Variants in FOXP1 observed in about 807,000 individuals in gnomAD.
FOXP1 encodes the protein forkhead box protein P1.
FOXP1 carries 15 observed loss-of-function variants against 98.2 expected under a neutral mutation model. The ratio of observed to expected loss-of-function variants is 0.15; its 90% CI spans 0.10 to 0.24. The LOEUF is 0.24. FOXP1 is among the 10% of genes least tolerant of loss of function. The pLI, the probability that FOXP1 is intolerant of heterozygous loss-of-function variation, is 1.00. For synonymous variants in FOXP1, 371 were observed against 314.5 expected, an observed-to-expected ratio of 1.18 and a Z score of -1.90; for missense variants, 633 against 848.5, an observed-to-expected ratio of 0.75 and a Z score of 3.15.
chr3:71,202,629 T>C (rs2063747515), intron 5 of FOXP1, among the ~76,000 whole-genome samples: 1 of 152,324 alleles, frequency 6.6e-6, no homozygotes, highest in South Asian at 2.1e-4. Flanking sequence ...GATGTAGCCA[T>C]AACTATTCTG....
At chr3:71,074,409 T>C (rs2053589601) in intron 7 of FOXP1, among the ~76,000 whole-genome samples, 1 of 152,146 alleles carries the variant, frequency 6.6e-6, no homozygotes, top group Non-Finnish European at 1.5e-5. Flanking sequence ...GTATTTTTAG[T>C]AGAGACAGGG....
At chr3:71,324,485 A>G (rs2075569277) in intron 4 of FOXP1, among the ~76,000 whole-genome samples, 2 of 152,190 alleles carry the variant, frequency 1.3e-5, no homozygotes, top group African/African-American at 4.8e-5. Flanking sequence ...ATGAAGGTGG[A>G]AATCATCATT....
At chr3:71,038,638 C>T (rs988952005) in intron 11 of FOXP1, among the ~76,000 whole-genome samples, 3 of 150,716 alleles carry the variant, frequency 2.0e-5, no homozygotes, top group Admixed American at 6.6e-5. Context: ...TATATGTATA[C>T]GAAGCTGGCT....
intron 5 of FOXP1, among the ~76,000 whole-genome samples, chr3:71,250,259 C>T (rs935221843): frequency 6.6e-6 from 1 of 152,196 alleles, no homozygotes; most frequent in South Asian, 2.1e-4. Flanking sequence ...TGGGGAAAGT[C>T]ATTCCTGGTT....
intron 2 of FOXP1, among the ~76,000 whole-genome samples, chr3:71,566,213 G>A (rs762395548): frequency 2.6e-5 from 4 of 152,236 alleles, no homozygotes; most frequent in Non-Finnish European, 5.9e-5. Flanking sequence ...GTTGGCAAAT[G>A]TGAGGTCCCT....
At chr3:71,153,547 A>G (rs1252185101) in intron 6 of FOXP1, among the ~76,000 whole-genome samples, 2 of 64,246 alleles carry the variant, frequency 3.1e-5, no homozygotes, top group Non-Finnish European at 8.0e-5. Flanking sequence ...ATGCTTGAGA[A>G]AAAAAAAAAA....
chr3:71,233,225 G>A (rs998053883), intron 5 of FOXP1, among the ~76,000 whole-genome samples: 1 of 143,910 alleles, frequency 6.9e-6, no homozygotes, highest in Non-Finnish European at 1.5e-5. Context: ...GGGAGGGAAG[G>A]CATGGGAGGG....
At chr3:71,217,067 T>C (rs949810998) in intron 5 of FOXP1, among the ~76,000 whole-genome samples, 6 of 152,226 alleles carry the variant, frequency 3.9e-5, no homozygotes, top group Non-Finnish European at 7.3e-5. Context: ...TTTTATTTTA[T>C]GCTTTAATGT....
intron 3 of FOXP1, among the ~76,000 whole-genome samples, chr3:71,429,132 C>A (rs1374044244): frequency 6.6e-6 from 1 of 152,150 alleles, no homozygotes; most frequent in Non-Finnish European, 1.5e-5. Context: ...CGGCTTCATG[C>A]AGGCTGCCCT....
chr3:70,955,657 C>T lies in FOXP1; in HGVS notation c.*3590G>A, dbSNP rs959387624. 1.3e-5 allele frequency: 3 copies of T among 232,866 alleles called. No homozygotes were observed. Among genetic ancestry groups the T allele is most frequent in the African/African-American group, 6.7e-5 (3 of 45,076 alleles). The allele number at this position is 232,866 out of a possible 1,614,324, so 14.4% of individuals were successfully genotyped here. On this transcript the variant is annotated 3_prime_UTR_variant, in exon 21 of 21. Transcript: ENST00000649528. ...CACTGATAAACTTGGAAAAGTGTGA[C>T]CCTGGAATTTCATCATGCAAAATAT... is the stretch of plus-strand genomic sequence containing the variant.
chr3:70,954,833 T>C lies in FOXP1; in HGVS notation c.*4414A>G, dbSNP rs2031387081. The C allele has an allele frequency of 4.3e-6, 1 of 232,482 alleles. No individual in the cohort carries two copies. Among genetic ancestry groups the C allele is most frequent in the African/African-American group, 2.2e-5 (1 of 45,420 alleles). The allele number at this position is 232,482 out of a possible 1,614,324, so 14.4% of individuals were successfully genotyped here. ...TATCCGCAGACATGGAATGATGGAA[T>C]TACAGTTGATGTCAAGGAATGAGTT... On this transcript the variant is annotated 3_prime_UTR_variant, in exon 21 of 21. Coordinates refer to ENST00000649528, the MANE Select transcript of FOXP1 (RefSeq NM_001349338.3).
At chr3:71,132,421 C>T (rs2059617780) in intron 6 of FOXP1, among the ~76,000 whole-genome samples, 1 of 152,098 alleles carries the variant, frequency 6.6e-6, no homozygotes, top group Non-Finnish European at 1.5e-5. Flanking sequence ...ACAACTTTCT[C>T]AGAGACATGC....
At chr3:71,356,725 A>C (rs1691463867) in intron 4 of FOXP1, among the ~76,000 whole-genome samples, 1 of 152,192 alleles carries the variant, frequency 6.6e-6, no homozygotes, top group Non-Finnish European at 1.5e-5. Flanking sequence ...TCTGAGTCTA[A>C]GCCAATCTAA....
chr3:71,134,725 A>G (rs1347810509), intron 6 of FOXP1, among the ~76,000 whole-genome samples: 2 of 152,208 alleles, frequency 1.3e-5, no homozygotes, highest in Non-Finnish European at 2.9e-5. Context: ...GTTATGCTGT[A>G]TATTAACTTC....
At chr3:71,301,911 T>C (rs1487400699) in intron 4 of FOXP1, among the ~76,000 whole-genome samples, 2 of 152,212 alleles carry the variant, frequency 1.3e-5, no homozygotes, top group African/African-American at 4.8e-5. Flanking sequence ...ATCATTTTTT[T>C]CCCCTAGGGA....
At chr3:71,415,820 A>C (rs1400767403) in intron 3 of FOXP1, among the ~76,000 whole-genome samples, 1 of 152,186 alleles carries the variant, frequency 6.6e-6, no homozygotes, top group East Asian at 1.9e-4. Context: ...CTCCTCAAAA[A>C]GAACCTCAGC....
chr3:71,143,659 T>C (rs534234791), intron 6 of FOXP1, among the ~76,000 whole-genome samples: 7 of 152,322 alleles, frequency 4.6e-5, no homozygotes, highest in African/African-American at 1.7e-4. Context: ...TTTGGGAGGC[T>C]GAGATGGGAG....
intron 3 of FOXP1, among the ~76,000 whole-genome samples, chr3:71,471,890 G>T (rs2089389877): frequency 6.6e-6 from 1 of 152,120 alleles, no homozygotes; most frequent in Admixed American, 6.6e-5. Context: ...GAAAGACCCG[G>T]CAGCATAACA....
At chr3:71,168,290 T>A (rs575131347) in intron 6 of FOXP1, among the ~76,000 whole-genome samples, 4 of 142,580 alleles carry the variant, frequency 2.8e-5, no homozygotes, top group African/African-American at 7.7e-5. Context: ...CCACAAGGAA[T>A]GAGTTTAAAA....
Sources: gnomAD v4.1 joint callset for allele counts (sites outside exome capture counted in the v4.1 genomes callset) on GRCh38, gnomAD v4.1.1 for gene constraint, MANE v1.5 for transcripts, NCBI Gene and HGNC (gene_info 2026-07-23, HGNC 2026-07-21) for gene names.